TELO2: variants seen among roughly 807,000 people sequenced by gnomAD.
TELO2 encodes telomere maintenance 2, also known as telomere length regulation protein TEL2 homolog.
A neutral mutation model predicts 91.0 loss-of-function variants in TELO2; 71 were observed. That is an observed-to-expected ratio of 0.78 (90% CI 0.64 to 0.95). The LOEUF (loss-of-function observed/expected upper bound fraction) is 0.95, where lower values mean the gene tolerates loss of function less well. Ranked by LOEUF, TELO2 falls within the 40% of genes least tolerant of loss-of-function variation. The pLI is 0.00. For missense variants in TELO2, 1,183 were observed against 1,141.3 expected, an observed-to-expected ratio of 1.04 and a Z score of -0.53; for synonymous variants, 584 against 518.9, an observed-to-expected ratio of 1.13 and a Z score of -1.71.
chr16:1,494,698 C>G lies in TELO2; in HGVS notation c.335+82C>G, dbSNP rs935168187. 2 of 1,397,240 alleles carry G rather than the reference C, an allele frequency of 1.4e-6. No individual in the cohort carries two copies. Among genetic ancestry groups the G allele is most frequent in the Non-Finnish European group, 1.9e-6 (2 of 1,040,408 alleles). The allele number at this position is 1,397,240 out of a possible 1,614,324, so 86.6% of individuals were successfully genotyped here. A position where few individuals can be genotyped will look rare whatever the true frequency, so the allele number is the denominator to read the frequency against. ...GCTTGAAGGACTGGACCAAGAGCCT[C>G]TCTAGTCCCTGTGAGGGGCTAGAGA... On this transcript the variant is annotated intron_variant, in intron 2 of 20. Transcript: ENST00000262319. The surrounding 1 kb of genome is among the most constrained non-coding windows in gnomAD (Gnocchi z 5.6).
In TELO2 at chr16:1,503,075, G is replaced by A. The variant is rs985813534; in HGVS notation, c.1842+73G>A. On this transcript the variant is annotated intron_variant, in intron 15 of 20. Coordinates refer to ENST00000262319, the MANE Select transcript of TELO2 (RefSeq NM_016111.4). ...CTAAGGTGGGGCTGCCAAAACCTGGGTCTCCTTGTTGCTGGGCCCCAAGGG... is the reference window on the plus strand; with the variant it reads ...CTAAGGTGGGGCTGCCAAAACCTGGATCTCCTTGTTGCTGGGCCCCAAGGG... 4.5e-6 allele frequency: 7 copies of A among 1,555,636 alleles called. No individual in the cohort carries two copies. The African/African-American group carries it at 6.8e-5, about 15-fold the overall frequency.
intron 5 of TELO2, among the ~76,000 whole-genome samples, chr16:1,498,310 C>A (rs965988769): frequency 3.3e-5 from 5 of 152,200 alleles, no homozygotes; most frequent in African/African-American, 1.2e-4. Context: ...CCCCTGCACC[C>A]GGCTGACTTT....
rs931804211 is a variant in TELO2 at position 1,493,965 on chromosome 16, C to T, written c.-36-281C>T. Among the ~76,000 whole-genome samples, 3 of 152,354 alleles carry T rather than the reference C, an allele frequency of 2.0e-5. No individual in the cohort carries two copies. Among genetic ancestry groups the T allele is most frequent in the Admixed American group, 1.3e-4 (2 of 15,304 alleles). ...CACCAGCATCTCTAGCCTCCACCTCCCTCTCGCGCCAGTGGCACTCCCGGT... is the reference window on the plus strand; with the variant it reads ...CACCAGCATCTCTAGCCTCCACCTCTCTCTCGCGCCAGTGGCACTCCCGGT... On this transcript the variant is annotated intron_variant, in intron 1 of 20. Coordinates refer to ENST00000262319, the MANE Select transcript of TELO2 (RefSeq NM_016111.4). The surrounding 1 kb of genome is among the most constrained non-coding windows in gnomAD (Gnocchi z 4.3).
At chr16:1,496,956 G>A (rs530037723) in intron 3 of TELO2, 80 bp from the exon 4 acceptor site, 22 of 1,433,440 alleles carry the variant, frequency 1.5e-5, no homozygotes, top group Middle Eastern at 1.7e-4. Context: ...CCGCCTGACC[G>A]AGAGCAGCTC....
intron 3 of TELO2, among the ~76,000 whole-genome samples, chr16:1,496,407 C>T (rs777536655): frequency 6.6e-6 from 1 of 152,238 alleles, no homozygotes; most frequent in Non-Finnish European, 1.5e-5. Flanking sequence ...CTGTCTTTTC[C>T]GAACGTAGCC....
chr16:1,496,814 G>C (rs1197117907), intron 3 of TELO2, among the ~76,000 whole-genome samples: 1 of 152,252 alleles, frequency 6.6e-6, no homozygotes, highest in African/African-American at 2.4e-5. Flanking sequence ...ACGATTAAGT[G>C]GGCTAAGATG....
chr16:1,498,616 T>C (rs887252734), intron 5 of TELO2, among the ~76,000 whole-genome samples: 1 of 152,130 alleles, frequency 6.6e-6, no homozygotes, highest in African/African-American at 2.4e-5. Flanking sequence ...TTTAAATTTT[T>C]TGTAGCGACG....
chr16:1,499,212 C>T lies in TELO2; in HGVS notation c.831-19C>T. On this transcript the variant is annotated intron_variant, in intron 5 of 20. Transcript: ENST00000262319. ...CTCCAGGCCGGCTTGCAGCTCTGGC[C>T]CCTGACTCTGTCTTGCAGGCCTGAG... is the stretch of plus-strand genomic sequence containing the variant. The T allele has an allele frequency of 1.2e-6, 2 of 1,613,464 alleles. No homozygotes were observed. Among genetic ancestry groups the T allele is most frequent in the Non-Finnish European group, 1.7e-6 (2 of 1,179,688 alleles).
At position 1,495,596 on chromosome 16, in the gene TELO2, C is replaced by T. The variant is rs138771587; in HGVS notation, c.586C>T (p.Leu196=). The part of the protein sequence containing the change: ...RLLGEEVVRV[L]QAVVDSLQGG... ...GCTCGGCGAGGAGGTCGTCCGGGTG[C>T]TGCAGGCGGTTGTGGACTCTCTCCA... The change falls in exon 3 of 21, where the codon CTG becomes TTG. Residue 196 remains leucine (L), a synonymous_variant. Transcript: ENST00000262319. 868 of 1,604,902 alleles carry T rather than the reference C, an allele frequency of 5.4e-4. 2 individuals carry two copies. Among genetic ancestry groups the T allele is most frequent in the Non-Finnish European group, 7.0e-4 (819 of 1,174,698 alleles).
intron 17 of TELO2, 123 bp from the exon 18 acceptor site, chr16:1,506,829 C>A: frequency 7.0e-7 from 1 of 1,434,324 alleles, no homozygotes; most frequent in South Asian, 1.5e-5. Flanking sequence ...TCGGTGCAGG[C>A]AAGGCGGTGG....
In TELO2 at chr16:1,497,555, G is replaced by T; in HGVS notation, c.830+47G>T. 6.6e-7 allele frequency: 1 copy of T among 1,506,726 alleles called. No individual in the cohort carries two copies. The highest frequency in any genetic ancestry group is 8.9e-7 in the Non-Finnish European group (1 of 1,127,404). 93.3% of individuals were successfully genotyped at this position (1,506,726 alleles called of 1,614,324 possible). A position where few individuals can be genotyped will look rare whatever the true frequency, so the allele number is the denominator to read the frequency against. The stretch of plus-strand genomic sequence containing the variant: ...CAGCTGCACTGGCTTCTGGGGTCTG[G>T]ACCCCCAGAGGCTGCCATTCCTTCA... On this transcript the variant is annotated intron_variant, in intron 5 of 20. Transcript: ENST00000262319. The surrounding 1 kb of genome is among the most constrained non-coding windows in gnomAD (Gnocchi z 4.0).
At position 1,497,444 on chromosome 16, in the gene TELO2, G is replaced by C. The variant is rs1407688277; in HGVS notation, c.766G>C (p.Val256Leu). 1 of 1,568,404 alleles carries C rather than the reference G, an allele frequency of 6.4e-7. No individual in the cohort carries two copies. Among genetic ancestry groups the C allele is most frequent in the African/African-American group, 1.4e-5 (1 of 73,776 alleles). Residue 256 changes from valine to leucine, a missense_variant, in exon 5 of 21, where the codon GTG becomes CTG. Coordinates refer to ENST00000262319, the MANE Select transcript of TELO2 (RefSeq NM_016111.4). The surrounding 1 kb of genome is among the most constrained non-coding windows in gnomAD (Gnocchi z 4.0). ...YLHQRVCWRL[V>L]EQVPDRAMEA... The stretch of plus-strand genomic sequence containing the variant: ...GCACCAGCGCGTCTGCTGGCGCCTG[G>C]TGGAGCAAGTGCCGGACCGGGCCAT...
rs2039523547 is a variant in TELO2, at chr16:1,497,213, C to G, written c.682+109C>G. On this transcript the variant is annotated intron_variant, in intron 4 of 20. Transcript: ENST00000262319. The surrounding 1 kb of genome is among the most constrained non-coding windows in gnomAD (Gnocchi z 4.0). ...TGACCCTGGCCCTCTGCAGGGTCCC[C>G]TTGCCCGGTCCTGTCCTGGGCCCGT... 1 of 1,524,326 alleles carries G rather than the reference C, an allele frequency of 6.6e-7. No homozygotes were observed. Among genetic ancestry groups the G allele is most frequent in the African/African-American group, 1.4e-5 (1 of 72,678 alleles). 94.4% of individuals were successfully genotyped at this position (1,524,326 alleles called of 1,614,324 possible). A position where few individuals can be genotyped will look rare whatever the true frequency, so the allele number is the denominator to read the frequency against.
rs1596252473 is a variant in TELO2, at chr16:1,497,129, C to G, written c.682+25C>G. The G allele has an allele frequency of 3.1e-6, 5 of 1,613,012 alleles. No homozygotes were observed. The highest frequency in any genetic ancestry group is 2.7e-5 in the African/African-American group (2 of 75,012). On this transcript the variant is annotated intron_variant, in intron 4 of 20. Coordinates refer to ENST00000262319, the MANE Select transcript of TELO2 (RefSeq NM_016111.4). This position sits in a 1 kb window ranked among gnomAD's most constrained non-coding sequence, Gnocchi z 4.0. ...CGTGAGTAGAGCAGTGCCTTCCTGC[C>G]CATCCTGCCCCGACCCTCACAGCCC...
At chr16:1,499,722 G>T (rs569164132) in intron 6 of TELO2, among the ~76,000 whole-genome samples, 4 of 152,264 alleles carry the variant, frequency 2.6e-5, no homozygotes, top group African/African-American at 9.6e-5. Flanking sequence ...GGTCCCCTGA[G>T]CCCAGAGTGG....
At position 1,507,026 on chromosome 16, in the gene TELO2, T is replaced by C. The variant is rs1379675691; in HGVS notation, c.2201T>C (p.Leu734Pro). 9.9e-6 allele frequency: 16 copies of C among 1,610,608 alleles called. No individual in the cohort carries two copies. Among genetic ancestry groups the C allele is most frequent in the African/African-American group, 1.3e-5 (1 of 74,862 alleles). The change falls in exon 18 of 21, where the codon CTG becomes CCG. Residue 734 changes from leucine to proline, a missense_variant. By Grantham distance (98) the Leu-to-Pro change is moderately conservative. Transcript: ENST00000262319. ...AGGCTGGCGCACACCTTAGGGGCCC[T>C]GATGTGCCTGGCTGTTAACACCACG... ...LGRLAHTLGA[L>P]MCLAVNTTVA...
chr16:1,504,780 A>G (rs2039830334), intron 15 of TELO2, among the ~76,000 whole-genome samples: 1 of 151,788 alleles, frequency 6.6e-6, no homozygotes, highest in African/African-American at 2.4e-5. Flanking sequence ...GATGGTCTCA[A>G]TCTCCTGACC....
intron 15 of TELO2, among the ~76,000 whole-genome samples, chr16:1,503,356 A>G (rs2039774969): frequency 6.6e-6 from 1 of 152,214 alleles, no homozygotes; most frequent in Non-Finnish European, 1.5e-5. Flanking sequence ...GCTGGAGCCC[A>G]GGAGTTCGAG....
rs958713425 is a variant in TELO2, at chr16:1,507,050, C to T, written c.2225C>T (p.Thr742Met). 2.2e-5 allele frequency: 35 copies of T among 1,605,350 alleles called. No homozygotes were observed. The highest frequency in any genetic ancestry group is 4.5e-5 in the East Asian group (2 of 44,622). The change falls in exon 18 of 21, where the codon ACG becomes ATG. Residue 742 changes from threonine to methionine, a missense_variant and splice_region_variant. Coordinates refer to ENST00000262319, the MANE Select transcript of TELO2 (RefSeq NM_016111.4). ...GALMCLAVNT[T>M]VAVAMGKALL... Reference sequence around the variant, plus strand: ...CTGATGTGCCTGGCTGTTAACACCACGGTGAGCCGGGAGAGGTCGCCGGGC... The same window carrying T: ...CTGATGTGCCTGGCTGTTAACACCATGGTGAGCCGGGAGAGGTCGCCGGGC...
Sources: allele counts gnomAD v4.1 joint callset (sites outside exome capture counted in the v4.1 genomes callset), GRCh38; gene constraint gnomAD v4.1.1; non-coding constraint Gnocchi (gnomAD v3.1); transcripts MANE v1.5; gene names NCBI Gene and HGNC (gene_info 2026-07-23, HGNC 2026-07-21).